Variants in ADNP observed in about 807,000 individuals in gnomAD.
ADNP encodes activity-dependent neuroprotector homeobox protein.
A neutral mutation model predicts 84.9 loss-of-function variants in ADNP; 4 were observed. The ratio of observed to expected loss-of-function variants is 0.05; its 90% confidence interval spans 0.02 to 0.11. ADNP has a LOEUF of 0.11. Ranked by LOEUF, ADNP falls within the 10% of genes least tolerant of loss-of-function variation. The probability of loss-of-function intolerance (pLI) is 1.00; values close to 1 mark genes in which losing one functional copy is unlikely to be tolerated. For missense variants in ADNP, 1,132 were observed against 1,326.0 expected, an observed-to-expected ratio of 0.85 and a Z score of 2.27; for synonymous variants, 554 against 468.1, an observed-to-expected ratio of 1.18 and a Z score of -2.37.
At chr20:50,922,162 T>C (rs1207604593) in intron 2 of ADNP, among the ~76,000 whole-genome samples, 1 of 152,190 alleles carries the variant, frequency 6.6e-6, no homozygotes, top group African/African-American at 2.4e-5. Context: ...ACAGAAGTCG[T>C]GAAGTTGTCT....
intron 5 of ADNP, among the ~76,000 whole-genome samples, chr20:50,898,485 T>G (rs1981636143): frequency 6.6e-6 from 1 of 152,220 alleles, no homozygotes; most frequent in Non-Finnish European, 1.5e-5. Context: ...TGAATTTTTG[T>G]TAGTCTCATT....
intron 2 of ADNP, among the ~76,000 whole-genome samples, chr20:50,917,239 G>C (rs1983579216): frequency 6.6e-6 from 1 of 152,156 alleles, no homozygotes; most frequent in Non-Finnish European, 1.5e-5. Context: ...GGTTGAAATG[G>C]TCTTCAAAAA....
At chr20:50,909,363 C>CAAAAAGAAA (rs1982811125) in intron 2 of ADNP, 1 of 44,352 alleles carries the variant, frequency 2.3e-5, no homozygotes, top group Non-Finnish European at 4.0e-5. Context: ...AAAACTGTCT[C>CAAAAAGAAA]AAAAAAAAAA....
At chr20:50,927,489 C>G (rs1473432574) in intron 2 of ADNP, among the ~76,000 whole-genome samples, 1 of 151,992 alleles carries the variant, frequency 6.6e-6, no homozygotes, top group South Asian at 2.1e-4. Context: ...TTAATTGAAC[C>G]TTTTACTATA....
chr20:50,895,994 G>C (rs571559724), intron 5 of ADNP, among the ~76,000 whole-genome samples: 13 of 152,280 alleles, frequency 8.5e-5, no homozygotes, highest in Middle Eastern at 6.8e-3. Flanking sequence ...GGAGGCCCAG[G>C]CGGGTGGATC....
At chr20:50,924,814 T>C (rs114483128) in intron 2 of ADNP, among the ~76,000 whole-genome samples, 306 of 152,370 alleles carry the variant, frequency 2.0e-3, no homozygotes, top group African/African-American at 6.9e-3. Context: ...AGATTCATTT[T>C]TAATTCTAAC....
At chr20:50,905,427 G>A (rs115265284) in intron 2 of ADNP, 1 of 152,066 alleles carries the variant, frequency 6.6e-6, no homozygotes, top group Admixed American at 6.6e-5. Context: ...TCTGTAAATG[G>A]CAAGTCAACT....
chr20:50,910,762 C>T (rs1462877737), intron 2 of ADNP, among the ~76,000 whole-genome samples: 1 of 152,148 alleles, frequency 6.6e-6, no homozygotes, highest in Admixed American at 6.5e-5. Context: ...TCAAGCAATC[C>T]TTCTGCCTCA....
chr20:50,923,286 AACT>A (rs1264952224), intron 2 of ADNP, among the ~76,000 whole-genome samples: 1 of 152,170 alleles, frequency 6.6e-6, no homozygotes, highest in Non-Finnish European at 1.5e-5. Context: ...GCTCTACCGA[AACT>A]ACTCAGAAAT....
intron 2 of ADNP, among the ~76,000 whole-genome samples, chr20:50,907,886 C>T (rs1982643233): frequency 1.3e-5 from 2 of 151,970 alleles, no homozygotes; most frequent in Non-Finnish European, 2.9e-5. Context: ...GTGTGCACCA[C>T]CATGCCTGGC....
At chr20:50,899,917 T>G (rs1981798090) in intron 5 of ADNP, among the ~76,000 whole-genome samples, 1 of 138,314 alleles carries the variant, frequency 7.2e-6, no homozygotes, top group African/African-American at 2.9e-5. Context: ...TTATGAAGAG[T>G]GAAAGGACAA....
In ADNP at chr20:50,902,126, TAA is replaced by T; in HGVS notation, c.109-19_109-18del. The T allele has an allele frequency of 6.4e-7, 1 of 1,564,536 alleles. No homozygotes were observed. Among genetic ancestry groups the T allele is most frequent in the Non-Finnish European group, 8.8e-7 (1 of 1,135,302 alleles). ...TTTAAAATCCTAGAAAACAGTGAAA[TAA>T]GTTTACAAAAACATAGTGGTATAAA... On this transcript the variant is annotated intron_variant, in intron 4 of 5. Transcript: ENST00000621696.
In ADNP at chr20:50,891,743, T is replaced by C. The variant is rs564373258; in HGVS notation, c.2971A>G (p.Met991Val). ...TCGTCAGACCAGGTTCCTGGTTTCA[T>C]TTCGCAGGTATTGTCCTCAAAGTCT... Reference protein sequence around the residue: ...VSDFEDNTCEMKPGTWSDESS... With the variant: ...VSDFEDNTCEVKPGTWSDESS... Residue 991 changes from methionine to valine, a missense_variant, in exon 6 of 6, where the codon ATG becomes GTG. Met to Val is a conservative substitution (Grantham distance 21, BLOSUM62 1). Transcript: ENST00000621696. The C allele has an allele frequency of 1.3e-4, 207 of 1,614,216 alleles. 1 individual carries two copies. The South Asian group carries it at 2.2e-3, about 17-fold the overall frequency.
chr20:50,891,556 T>C lies in ADNP; in HGVS notation c.3158A>G (p.Asn1053Ser). The part of the protein sequence containing the change: ...DQSQWKNASE[N>S]DERLSNPQIE... ...CTGGGGGTTAGATAAGCGCTCATCA[T>C]TCTCAGATGCATTCTTCCACTGTGA... The change falls in exon 6 of 6, where the codon AAT becomes AGT. Residue 1053 changes from asparagine (N) to serine (S), a missense_variant. Coordinates refer to ENST00000621696, the MANE Select transcript of ADNP (RefSeq NM_001282531.3). 1 of 1,612,402 alleles carries C rather than the reference T, an allele frequency of 6.2e-7. No homozygotes were observed. Among genetic ancestry groups the C allele is most frequent in the Non-Finnish European group, 8.5e-7 (1 of 1,180,032 alleles).
At chr20:50,894,632 C>G (rs997381210) in intron 5 of ADNP, 120 bp from the exon 6 acceptor site, 1 of 1,090,456 alleles carries the variant, frequency 9.2e-7, no homozygotes, top group African/African-American at 1.6e-5. Flanking sequence ...TGGTGGCTCA[C>G]GCCTGTAATC....
Position 50,890,044 on chromosome 20 carries a change from T to C in ADNP, c.*1361A>G. 1 of 383,334 alleles carries C rather than the reference T, an allele frequency of 2.6e-6. No homozygotes were observed. Among genetic ancestry groups the C allele is most frequent in the Non-Finnish European group, 4.6e-6 (1 of 217,528 alleles). 23.7% of individuals were successfully genotyped at this position (383,334 alleles called of 1,614,324 possible). ...CCAATCCATGTTTACATTTTTTTTT[T>C]TATCATTGAGACATTTACATATATA... is the stretch of plus-strand genomic sequence containing the variant. On this transcript the variant is annotated 3_prime_UTR_variant, in exon 6 of 6. Coordinates refer to ENST00000621696, the MANE Select transcript of ADNP (RefSeq NM_001282531.3).
chr20:50,908,474 G>T (rs1253120139), intron 2 of ADNP, among the ~76,000 whole-genome samples: 3 of 152,078 alleles, frequency 2.0e-5, no homozygotes, highest in African/African-American at 7.2e-5. Flanking sequence ...CTGGCTCCAG[G>T]GTTCATTAAT....
At position 50,894,318 on chromosome 20, in the gene ADNP, G is replaced by C; in HGVS notation, c.396C>G (p.Asn132Lys). ...ETHIKIFHAP[N>K]ASAPSSSLST... ...TGAGGCTGCTACTTGGTGCGCTGGC[G>C]TTCGGAGCATGAAATATTTTAATGT... Residue 132 changes from asparagine to lysine, a missense_variant, in exon 6 of 6, where the codon AAC becomes AAG. This residue lies in a region of ADNP where 130 missense variants were observed against 183.7 expected (regional missense o/e 0.71). Transcript: ENST00000621696. The C allele has an allele frequency of 6.2e-7, 1 of 1,613,682 alleles. No homozygotes were observed. Among genetic ancestry groups the C allele is most frequent in the Non-Finnish European group, 8.5e-7 (1 of 1,179,922 alleles).
intron 2 of ADNP, among the ~76,000 whole-genome samples, chr20:50,925,252 G>T (rs901969492): frequency 2.4e-5 from 3 of 124,364 alleles, no homozygotes; most frequent in Non-Finnish European, 4.9e-5. Context: ...ATTTTTATCT[G>T]TGACTTCCTA....
Sources: gnomAD v4.1 joint callset for allele counts (sites outside exome capture counted in the v4.1 genomes callset) on GRCh38, gnomAD v4.1.1 for gene constraint, gnomAD v4.1.1 regional missense constraint, MANE v1.5 for transcripts, NCBI Gene and HGNC (gene_info 2026-07-23, HGNC 2026-07-21) for gene names.